The following APOBEC3D variants were observed in gnomAD, a reference collection of about 807,000 sequenced individuals.
APOBEC3D encodes the protein apolipoprotein B mRNA editing enzyme catalytic subunit 3D.
Under a neutral mutation model 45.6 loss-of-function variants are expected in APOBEC3D, and 37 were observed. The ratio of observed to expected loss-of-function variants is 0.81; its 90% CI spans 0.62 to 1.07. The LOEUF (loss-of-function observed/expected upper bound fraction) is 1.07, where lower values mean the gene tolerates loss of function less well. Among genes scored for constraint, APOBEC3D ranks in the 50% least tolerant of loss-of-function variants. APOBEC3D has a pLI of 0.00. For synonymous variants in APOBEC3D, 175 were observed against 180.7 expected (o/e 0.97, Z 0.25); for missense variants, 496 against 495.3 (o/e 1.00, Z -0.01).
At chr22:39,023,799 G>T (rs1363070312) in intron 2 of APOBEC3D, among the ~76,000 whole-genome samples, 3 of 151,896 alleles carry the variant, frequency 2.0e-5, no homozygotes, top group Non-Finnish European at 2.9e-5. Flanking sequence ...CTGCTTGACC[G>T]CCCCGGCCAC....
chr22:39,027,495 G>A lies in APOBEC3D; in HGVS notation c.605+1824G>A, dbSNP rs572640627. Among the ~76,000 whole-genome samples the A allele has an allele frequency of 6.9e-4, 105 of 152,282 alleles. 3 individuals are homozygous for A. In the East Asian group the frequency reaches 0.013, roughly 19 times the overall value. ...AGGTGAGAAAGCAGCATAAAGTGAG[G>A]CCTGCACTCAGATGGGCCTGGGAGG... is the stretch of plus-strand genomic sequence containing the variant. On this transcript the variant is annotated intron_variant, in intron 4 of 6. Coordinates refer to ENST00000216099, the MANE Select transcript of APOBEC3D (RefSeq NM_152426.4).
intron 4 of APOBEC3D, 128 bp downstream of exon 4, chr22:39,025,799 C>T: frequency 5.8e-6 from 9 of 1,540,470 alleles, no homozygotes; most frequent in Non-Finnish European, 7.9e-6. Flanking sequence ...GTTACACCCC[C>T]TCACCCACAC....
rs1755378705 is a variant in APOBEC3D, at chr22:39,032,415, A to G, written c.*99A>G. ...GCACCAGCTGTGCTTTTGCCTGGTC[A>G]TCCTGAGCCCCTCCTGGCCTCAGGG... On this transcript the variant is annotated 3_prime_UTR_variant, in exon 7 of 7. Coordinates refer to ENST00000216099, the MANE Select transcript of APOBEC3D (RefSeq NM_152426.4). 2 of 1,545,022 alleles carry G rather than the reference A, an allele frequency of 1.3e-6. No homozygotes were observed. The highest frequency in any genetic ancestry group is 1.7e-6 in the Non-Finnish European group (2 of 1,149,698).
chr22:39,024,758 G>C (rs1206260939), intron 2 of APOBEC3D, among the ~76,000 whole-genome samples: 3 of 152,128 alleles, frequency 2.0e-5, no homozygotes, highest in Non-Finnish European at 4.4e-5. Context: ...CCCCCAGCTA[G>C]AGGGCAAGAG....
At position 39,029,519 on chromosome 22, in the gene APOBEC3D, G is replaced by C; in HGVS notation, c.762G>C (p.Gln254His). 1.9e-6 allele frequency: 3 copies of C among 1,614,160 alleles called. No individual in the cohort carries two copies. The highest frequency in any genetic ancestry group is 1.7e-6 in the Non-Finnish European group (2 of 1,180,026). ...VFRKRGVFRN[Q>H]VDPETHCHAE... ...GGAAGAGGGGCGTCTTCCGAAACCA[G>C]GTAGCACCAAAGTCCTATTTACACC... The change falls in exon 5 of 7, where the codon CAG becomes CAC. Residue 254 changes from glutamine (Q) to histidine (H), a missense_variant and splice_region_variant. Gln to His is a conservative substitution (Grantham distance 24). Transcript: ENST00000216099.
At chr22:39,030,105 C>T (rs1219170689) in intron 5 of APOBEC3D, among the ~76,000 whole-genome samples, 6 of 150,554 alleles carry the variant, frequency 4.0e-5, no homozygotes, top group Non-Finnish European at 1.5e-5. Flanking sequence ...CTGTGGGAAG[C>T]GGTGGGTCTG....
chr22:39,025,271 T>TACC lies in APOBEC3D; in HGVS notation c.413_415dup (p.Tyr138_Arg139insHis). On this transcript the variant is annotated inframe_insertion, in exon 3 of 7. Coordinates refer to ENST00000216099, the MANE Select transcript of APOBEC3D (RefSeq NM_152426.4). The stretch of plus-strand genomic sequence containing the variant: ...CATCTCTGCCGCCCGCCTCTACTAC[T>TACC]ACCGGGATAGAGATTGGCGGTGGGT... The TACC allele has an allele frequency of 1.9e-6, 3 of 1,614,102 alleles. No individual in the cohort carries two copies. The highest frequency in any genetic ancestry group is 2.5e-6 in the Non-Finnish European group (3 of 1,180,008).
chr22:39,025,957 T>C (rs2006973), intron 4 of APOBEC3D, among the ~76,000 whole-genome samples: 90,721 of 152,032 alleles, frequency 0.6, 28,441 homozygotes, highest in African/African-American at 0.76. Flanking sequence ...TGGCTCCTTC[T>C]ATCTCCCTGG....
intron 4 of APOBEC3D, among the ~76,000 whole-genome samples, chr22:39,026,953 G>A (rs1199653012): frequency 6.6e-6 from 1 of 152,078 alleles, no homozygotes; most frequent in South Asian, 2.1e-4. Context: ...GTTTTGCAAT[G>A]TTGGCCAGGT....
Position 39,025,348 on chromosome 22 carries a change from A to G in APOBEC3D, c.489A>G (p.Glu163=), listed in dbSNP as rs1314262726. The change falls in exon 3 of 7, where the codon GAA becomes GAG. Residue 163 remains glutamate, a splice_region_variant and synonymous_variant. Coordinates refer to ENST00000216099, the MANE Select transcript of APOBEC3D (RefSeq NM_152426.4). The part of the protein sequence containing the change: ...AGARVKIMDY[E]DFAYCWENFV... ...CCCGTGTGAAGATCATGGACTATGA[A>G]GGTGAGAGGTGCAGGGGTCAGGGGA... The G allele has an allele frequency of 6.2e-7, 1 of 1,613,818 alleles. No homozygotes were observed. The highest frequency in any genetic ancestry group is 2.2e-5 in the East Asian group (1 of 44,888).
At chr22:39,031,377 G>C (rs559726643) in intron 5 of APOBEC3D, among the ~76,000 whole-genome samples, 1 of 152,300 alleles carries the variant, frequency 6.6e-6, no homozygotes, top group East Asian at 1.9e-4. Flanking sequence ...AGATCAGCCT[G>C]GGCAATGTGG....
intron 5 of APOBEC3D, among the ~76,000 whole-genome samples, chr22:39,030,186 C>A (rs995027215): frequency 2.0e-5 from 3 of 149,678 alleles, no homozygotes; most frequent in African/African-American, 7.5e-5. Context: ...CCTGATTCCT[C>A]GATGTCAAGG....
In APOBEC3D at chr22:39,032,442, C is replaced by T; in HGVS notation, c.*126C>T. Reference sequence around the variant, plus strand: ...CCTGAGCCCCTCCTGGCCTCAGGGCCATTCCATAGTGCCCCCCTGCCTCAC... The same window carrying T: ...CCTGAGCCCCTCCTGGCCTCAGGGCTATTCCATAGTGCCCCCCTGCCTCAC... On this transcript the variant is annotated 3_prime_UTR_variant, in exon 7 of 7. Coordinates refer to ENST00000216099, the MANE Select transcript of APOBEC3D (RefSeq NM_152426.4). 1.3e-6 allele frequency: 2 copies of T among 1,511,176 alleles called. No individual in the cohort carries two copies. The highest frequency in any genetic ancestry group is 1.8e-6 in the Non-Finnish European group (2 of 1,137,734). 93.6% of individuals were successfully genotyped at this position (1,511,176 alleles called of 1,614,324 possible). A position where few individuals can be genotyped will look rare whatever the true frequency, so the allele number is the denominator to read the frequency against.
chr22:39,031,328 T>C (rs1926193305), intron 5 of APOBEC3D, among the ~76,000 whole-genome samples: 1 of 152,078 alleles, frequency 6.6e-6, no homozygotes, highest in Non-Finnish European at 1.5e-5. Context: ...AGAAATTTGG[T>C]AGGCTGAGGC....
chr22:39,028,935 A>T (rs1925944878), intron 4 of APOBEC3D, among the ~76,000 whole-genome samples: 2 of 152,214 alleles, frequency 1.3e-5, no homozygotes, highest in South Asian at 4.1e-4. Context: ...CCGTGTGCAA[A>T]AATAAATAAA....
rs1926345356 is a variant in APOBEC3D at position 39,032,668 on chromosome 22, A to C, written c.*352A>C. On this transcript the variant is annotated 3_prime_UTR_variant, in exon 7 of 7. Transcript: ENST00000216099. ...GAGTGCAATGGCTGGATCTCAGCTC[A>C]CTGCAAACTCTGCTTACTGGGTTCA... is the stretch of plus-strand genomic sequence containing the variant. 2.2e-6 allele frequency: 2 copies of C among 928,426 alleles called. No homozygotes were observed. The highest frequency in any genetic ancestry group is 9.6e-5 in the East Asian group (1 of 10,366). The allele number at this position is 928,426 out of a possible 1,614,324, so 57.5% of individuals were successfully genotyped here.
chr22:39,027,893 A>G (rs1309756938), intron 4 of APOBEC3D, among the ~76,000 whole-genome samples: 1 of 152,204 alleles, frequency 6.6e-6, no homozygotes, highest in Non-Finnish European at 1.5e-5. Flanking sequence ...CCTGAGAGTC[A>G]TGCCCGGGCT....
chr22:39,026,070 GC>G (rs1925632186), intron 4 of APOBEC3D, among the ~76,000 whole-genome samples: 1 of 152,244 alleles, frequency 6.6e-6, no homozygotes, highest in African/African-American at 2.4e-5. Context: ...GCCGACCTGA[GC>G]CCCTGAGAAG....
Position 39,032,409 on chromosome 22 carries a change from C to T in APOBEC3D, c.*93C>T. ...CATCCTGCACCAGCTGTGCTTTTGC[C>T]TGGTCATCCTGAGCCCCTCCTGGCC... is the stretch of plus-strand genomic sequence containing the variant. On this transcript the variant is annotated 3_prime_UTR_variant, in exon 7 of 7. Coordinates refer to ENST00000216099, the MANE Select transcript of APOBEC3D (RefSeq NM_152426.4). The T allele has an allele frequency of 6.4e-7, 1 of 1,552,970 alleles. No homozygotes were observed. Among genetic ancestry groups the T allele is most frequent in the South Asian group, 1.2e-5 (1 of 81,742 alleles).
Sources: gnomAD v4.1 joint callset for allele counts (sites outside exome capture counted in the v4.1 genomes callset) on GRCh38, gnomAD v4.1.1 for gene constraint, MANE v1.5 for transcripts, NCBI Gene and HGNC (gene_info 2026-07-23, HGNC 2026-07-21) for gene names.